DLGAP2: variants seen among roughly 807,000 people sequenced by gnomAD.
DLGAP2 encodes disks large-associated protein 2.
DLGAP2 carries 26 observed loss-of-function variants against 100.3 expected under a neutral mutation model. The ratio of observed to expected loss-of-function variants is 0.26; its 90% CI spans 0.19 to 0.36. DLGAP2 has a LOEUF of 0.36. Among genes scored for constraint, DLGAP2 ranks in the 10% least tolerant of loss-of-function variants. DLGAP2 has a pLI of 1.00. For missense variants in DLGAP2, 1,858 were observed against 1,453.2 expected (o/e 1.28, Z -4.53); for synonymous variants, 886 against 630.1 (o/e 1.41, Z -6.08).
chr8:932,934 C>T (rs1202783395), intron 2 of DLGAP2, among the ~76,000 whole-genome samples: 1 of 152,208 alleles, frequency 6.6e-6, no homozygotes, highest in Non-Finnish European at 1.5e-5. Context: ...CTCGATCTTT[C>T]TGTAGCTTCT....
intron 1 of DLGAP2, among the ~76,000 whole-genome samples, chr8:892,691 A>C (rs372424361): frequency 7.9e-5 from 12 of 152,138 alleles, no homozygotes; most frequent in African/African-American, 2.9e-4. Flanking sequence ...TCTGCTGCAG[A>C]ACAGAGAGGC....
chr8:1,656,385 C>T (rs1472484482), intron 8 of DLGAP2, among the ~76,000 whole-genome samples: 1 of 152,102 alleles, frequency 6.6e-6, no homozygotes, highest in African/African-American at 2.4e-5. Context: ...AGAAAGGAGC[C>T]TTTCTGACAC....
intron 1 of DLGAP2, among the ~76,000 whole-genome samples, chr8:862,532 G>A (rs1797413260): frequency 1.3e-5 from 2 of 152,078 alleles, no homozygotes; most frequent in African/African-American, 4.8e-5. Flanking sequence ...TCGATCTCCT[G>A]ACCTCGTGAT....
intron 2 of DLGAP2, among the ~76,000 whole-genome samples, chr8:1,126,504 T>C (rs189088514): frequency 1.5e-4 from 23 of 151,812 alleles, no homozygotes; most frequent in Non-Finnish European, 2.2e-4. Context: ...GGATCTCTCA[T>C]CGTGCTGTGC....
chr8:1,149,741 C>T (rs566547087), intron 2 of DLGAP2, among the ~76,000 whole-genome samples: 1 of 152,282 alleles, frequency 6.6e-6, no homozygotes, highest in South Asian at 2.1e-4. Context: ...TCTTTGTTCT[C>T]CCTTTCTTGC....
At chr8:1,584,383 C>T (rs1240452507) in intron 6 of DLGAP2, among the ~76,000 whole-genome samples, 2 of 152,198 alleles carry the variant, frequency 1.3e-5, no homozygotes. Flanking sequence ...ACGCCAGACT[C>T]CTCGTGCATG....
intron 3 of DLGAP2, among the ~76,000 whole-genome samples, chr8:1,294,215 C>A (rs1293100462): frequency 6.6e-6 from 1 of 152,202 alleles, no homozygotes; most frequent in Non-Finnish European, 1.5e-5. Flanking sequence ...TCTCCCCTTG[C>A]CAGTCATTCA....
At position 737,717 on chromosome 8, in the gene DLGAP2, A is replaced by T. The variant is rs1820353861; in HGVS notation, c.-91A>T. 2.7e-6 allele frequency: 1 copy of T among 372,122 alleles called. No homozygotes were observed. Among genetic ancestry groups the T allele is most frequent in the Non-Finnish European group, 4.8e-6 (1 of 209,224 alleles). 23.1% of individuals were successfully genotyped at this position (372,122 alleles called of 1,614,324 possible). On this transcript the variant is annotated 5_prime_UTR_variant, in exon 1 of 15. Coordinates refer to ENST00000637795, the MANE Select transcript of DLGAP2 (RefSeq NM_001346810.2). ...GGACGGACCGCGGACGGACGTACTGACCCCAACCCGCGAGCCCCGGGAGCC... is the reference window on the plus strand; with the variant it reads ...GGACGGACCGCGGACGGACGTACTGTCCCCAACCCGCGAGCCCCGGGAGCC...
chr8:859,517 C>G (rs566708157), intron 1 of DLGAP2, among the ~76,000 whole-genome samples: 1 of 152,144 alleles, frequency 6.6e-6, no homozygotes. Flanking sequence ...CTCCATTCTT[C>G]TAACTCTGTG....
At chr8:990,081 A>G (rs957568496) in intron 2 of DLGAP2, among the ~76,000 whole-genome samples, 1 of 152,076 alleles carries the variant, frequency 6.6e-6, no homozygotes, top group Non-Finnish European at 1.5e-5. Flanking sequence ...GTAGAATTTC[A>G]TGAAAGGGGT....
intron 1 of DLGAP2, among the ~76,000 whole-genome samples, chr8:806,394 G>T (rs899374592): frequency 6.6e-6 from 1 of 152,200 alleles, no homozygotes; most frequent in African/African-American, 2.4e-5. Context: ...CTGGATCTGT[G>T]AGTGGCGTGC....
At chr8:1,187,230 G>A (rs538229435) in intron 2 of DLGAP2, among the ~76,000 whole-genome samples, 77 of 152,054 alleles carry the variant, frequency 5.1e-4, no homozygotes, top group African/African-American at 1.8e-3. Context: ...CGGGACCTCC[G>A]TGACGTTTGC....
intron 3 of DLGAP2, among the ~76,000 whole-genome samples, chr8:1,269,593 A>C (rs1799538684): frequency 6.6e-6 from 1 of 152,184 alleles, no homozygotes; most frequent in Non-Finnish European, 1.5e-5. Context: ...TGATTGGTAC[A>C]TCTAACAATA....
At chr8:1,212,850 C>T (rs998676847) in intron 2 of DLGAP2, among the ~76,000 whole-genome samples, 1 of 141,006 alleles carries the variant, frequency 7.1e-6, no homozygotes, top group Non-Finnish European at 1.5e-5. Context: ...TGTATATGTA[C>T]TCATCTTCTC....
intron 2 of DLGAP2, among the ~76,000 whole-genome samples, chr8:1,191,806 A>G (rs1797646138): frequency 6.6e-6 from 1 of 152,104 alleles, no homozygotes; most frequent in Admixed American, 6.6e-5. Flanking sequence ...ATAGAAATAA[A>G]CCGTATTATA....
chr8:1,444,072 C>A (rs527818300), intron 3 of DLGAP2, among the ~76,000 whole-genome samples: 1 of 152,076 alleles, frequency 6.6e-6, no homozygotes. Context: ...AAACCATGCT[C>A]TCCCTACACC....
At chr8:1,686,569 G>A (rs1799120632) in intron 12 of DLGAP2, among the ~76,000 whole-genome samples, 1 of 152,126 alleles carries the variant, frequency 6.6e-6, no homozygotes, top group East Asian at 1.9e-4. Flanking sequence ...AGCTACTCAG[G>A]AGGCTGAGAC....
At chr8:831,421 T>C (rs886726584) in intron 1 of DLGAP2, among the ~76,000 whole-genome samples, 1 of 152,122 alleles carries the variant, frequency 6.6e-6, no homozygotes, top group African/African-American at 2.4e-5. Context: ...TGTGTCCAGG[T>C]GTTCTCATTG....
At chr8:1,261,960 A>G (rs1333508675) in intron 3 of DLGAP2, among the ~76,000 whole-genome samples, 1 of 152,190 alleles carries the variant, frequency 6.6e-6, no homozygotes, top group Non-Finnish European at 1.5e-5. Flanking sequence ...CGCTCATTAC[A>G]TCCAGAAGGT....
Sources: gnomAD v4.1 joint callset for allele counts (sites outside exome capture counted in the v4.1 genomes callset) on GRCh38, gnomAD v4.1.1 for gene constraint, MANE v1.5 for transcripts, NCBI Gene and HGNC (gene_info 2026-07-23, HGNC 2026-07-21) for gene names.